Variants in GPC1 observed in about 807,000 individuals in gnomAD.
The protein encoded by GPC1 is glypican 1, also known as glypican-1.
Under a neutral mutation model 51.5 loss-of-function variants are expected in GPC1, and 26 were observed. The ratio of observed to expected loss-of-function variants is 0.50; its 90% CI spans 0.37 to 0.70. The LOEUF (loss-of-function observed/expected upper bound fraction) is 0.70, where lower values mean the gene tolerates loss of function less well. Among genes scored for constraint, GPC1 ranks in the 30% least tolerant of loss-of-function variants. GPC1 has a pLI of 0.00. For synonymous variants in GPC1, 380 were observed against 348.3 expected, an observed-to-expected ratio of 1.09 and a Z score of -1.01; for missense variants, 775 against 800.5, an observed-to-expected ratio of 0.97 and a Z score of 0.38.
At chr2:240,444,972 C>T (rs554667340) in intron 1 of GPC1, among the ~76,000 whole-genome samples, 1 of 152,290 alleles carries the variant, frequency 6.6e-6, no homozygotes, top group South Asian at 2.1e-4. Flanking sequence ...CACCTGCCAC[C>T]AGGGTTGGCT....
intron 1 of GPC1, chr2:240,455,983 C>T (rs939125280): frequency 2.3e-6 from 1 of 425,998 alleles, no homozygotes; most frequent in Admixed American, 2.7e-5. Context: ...TTGCGTCCAG[C>T]CTGCCGGGGG....
At chr2:240,436,493 C>T (rs1028101735) in intron 1 of GPC1, among the ~76,000 whole-genome samples, 60 of 152,242 alleles carry the variant, frequency 3.9e-4, no homozygotes, top group African/African-American at 9.6e-4. Flanking sequence ...GCTGTCGGGG[C>T]GCTGTGGGGC....
chr2:240,463,251 C>T (rs948356927), intron 3 of GPC1, 96 bp from the exon 4 acceptor site: 2 of 1,092,010 alleles, frequency 1.8e-6, no homozygotes, highest in Admixed American at 2.1e-5. Flanking sequence ...CCTGACTTCC[C>T]TCCAGAGCCC....
chr2:240,455,992 G>A, intron 1 of GPC1: 1 of 429,748 alleles, frequency 2.3e-6, no homozygotes, highest in Admixed American at 2.6e-5. Context: ...GCCTGCCGGG[G>A]GCTCCCAGGC....
chr2:240,462,833 G>T (rs890003826), intron 3 of GPC1, among the ~76,000 whole-genome samples: 2 of 152,150 alleles, frequency 1.3e-5, no homozygotes, highest in Non-Finnish European at 2.9e-5. Context: ...AACCATCATG[G>T]GCCAGGATGG....
Position 240,464,711 on chromosome 2 carries a change from G to C in GPC1, c.979G>C (p.Ala327Pro). Reference sequence around the variant, plus strand: ...CACGTGGCTGGCGGAGGCCATCAACGCCCTCCAGGACAACAGGGACACGCT... The same window carrying C: ...CACGTGGCTGGCGGAGGCCATCAACCCCCTCCAGGACAACAGGGACACGCT... The part of the protein sequence containing the change: ...VHTWLAEAIN[A>P]LQDNRDTLTA... The change falls in exon 5 of 9, where the codon GCC becomes CCC. Residue 327 changes from alanine to proline, a missense_variant. By Grantham distance (27) the Ala-to-Pro change is conservative. Coordinates refer to ENST00000264039, the MANE Select transcript of GPC1 (RefSeq NM_002081.3). The C allele has an allele frequency of 6.2e-7, 1 of 1,611,690 alleles. No homozygotes were observed. The highest frequency in any genetic ancestry group is 8.5e-7 in the Non-Finnish European group (1 of 1,179,336).
At chr2:240,458,139 A>T (rs1463252373) in intron 1 of GPC1, 3 of 454,330 alleles carry the variant, frequency 6.6e-6, no homozygotes, top group Non-Finnish European at 1.4e-5. Context: ...TTTTCTGGTT[A>T]ATAAAATGAG....
At position 240,436,082 on chromosome 2, in the gene GPC1, C is replaced by T; in HGVS notation, c.164C>T (p.Ser55Leu). Reference protein sequence around the residue: ...SLSDVPQAEISGEHLRICPQG... With the variant: ...SLSDVPQAEILGEHLRICPQG... The stretch of plus-strand genomic sequence containing the variant: ...AGCGACGTGCCCCAGGCGGAGATCT[C>T]GGGTGAGTGAGGGCGCGGCGCCGGG... The change falls in exon 1 of 9, where the codon TCG (serine) becomes TTG (leucine). Residue 55 changes from serine (S) to leucine (L), a missense_variant and splice_region_variant. By Grantham distance (145) the Ser-to-Leu change is moderately radical. Transcript: ENST00000264039. 1 of 1,295,952 alleles carries T rather than the reference C, an allele frequency of 7.7e-7. No individual in the cohort carries two copies. The allele number at this position is 1,295,952 out of a possible 1,614,324, so 80.3% of individuals were successfully genotyped here. A position where few individuals can be genotyped will look rare whatever the true frequency, so the allele number is the denominator to read the frequency against.
intron 1 of GPC1, among the ~76,000 whole-genome samples, chr2:240,442,872 G>A (rs1254664447): frequency 1.3e-5 from 2 of 152,230 alleles, no homozygotes; most frequent in Non-Finnish European, 2.9e-5. Context: ...AGATGTGCCC[G>A]AGACCCTGGT....
In GPC1 at chr2:240,462,263, T is replaced by C. The variant is rs765125763; in HGVS notation, c.398T>C (p.Leu133Pro). The change falls in exon 3 of 9, where the codon CTG becomes CCG. Residue 133 changes from leucine to proline, a missense_variant. Leu to Pro is a moderately conservative substitution (Grantham distance 98). Transcript: ENST00000264039. ...QATFPGAFGELYTQNARAFRD... is the reference protein window; with the variant it reads ...QATFPGAFGEPYTQNARAFRD... Reference sequence around the variant, plus strand: ...ACCTTCCCCGGCGCCTTCGGAGAGCTGTACACGCAGAACGCGAGGGCCTTC... The same window carrying C: ...ACCTTCCCCGGCGCCTTCGGAGAGCCGTACACGCAGAACGCGAGGGCCTTC... 6.2e-7 allele frequency: 1 copy of C among 1,610,944 alleles called. No individual in the cohort carries two copies. Among genetic ancestry groups the C allele is most frequent in the South Asian group, 1.1e-5 (1 of 90,724 alleles).
chr2:240,439,317 G>C (rs1239807793), intron 1 of GPC1, among the ~76,000 whole-genome samples: 1 of 152,132 alleles, frequency 6.6e-6, no homozygotes, highest in Non-Finnish European at 1.5e-5. Context: ...GGGTAGAGGA[G>C]GGTCTCCTTG....
intron 4 of GPC1, chr2:240,464,057 G>T (rs147821087): frequency 5.1e-4 from 103 of 203,186 alleles, no homozygotes; most frequent in East Asian, 1.9e-3. Flanking sequence ...CATGAGGGGG[G>T]ACAGCATGCA....
intron 1 of GPC1, chr2:240,450,434 C>A (rs1172883092): frequency 2.7e-6 from 1 of 370,754 alleles, no homozygotes; most frequent in Admixed American, 3.3e-5. Flanking sequence ...CGTGCTGCTA[C>A]TCCTAGCCTG....
Position 240,445,606 on chromosome 2 carries a change from T to C in GPC1, c.166+9522T>C, listed in dbSNP as rs184555734. 1.6e-3 allele frequency among the ~76,000 whole-genome samples: 248 copies of C among 152,302 alleles called. 3 individuals are homozygous for C. Among genetic ancestry groups the C allele is most frequent in the African/African-American group, 5.8e-3 (243 of 41,572 alleles). On this transcript the variant is annotated intron_variant, in intron 1 of 8. Coordinates refer to ENST00000264039, the MANE Select transcript of GPC1 (RefSeq NM_002081.3). Reference sequence around the variant, plus strand: ...CAGCATGCAGGAGGGTTGTTCTAGATGCATCCATCCTTCTGTGGGTGCACG... The same window carrying C: ...CAGCATGCAGGAGGGTTGTTCTAGACGCATCCATCCTTCTGTGGGTGCACG...
At chr2:240,444,071 G>A (rs901775458) in intron 1 of GPC1, among the ~76,000 whole-genome samples, 13 of 152,306 alleles carry the variant, frequency 8.5e-5, no homozygotes, top group South Asian at 6.2e-4. Context: ...CACCGGGAGC[G>A]CACAGGAGGG....
At position 240,467,546 on chromosome 2, in the gene GPC1, G is replaced by C. The variant is rs1363643707; in HGVS notation, c.*1256G>C. 1 of 152,376 alleles carries C rather than the reference G, an allele frequency of 6.6e-6. No homozygotes were observed. The highest frequency in any genetic ancestry group is 2.4e-5 in the African/African-American group (1 of 41,450). The allele number at this position is 152,376 out of a possible 1,614,324, so 9.4% of individuals were successfully genotyped here. On this transcript the variant is annotated 3_prime_UTR_variant, in exon 9 of 9. Coordinates refer to ENST00000264039, the MANE Select transcript of GPC1 (RefSeq NM_002081.3). ...CTTCCCTCCTGTGCCCCAGCTGCCA[G>C]GCGGCCCTGGGGAGGGGTGGTGTGG...
chr2:240,454,809 T>A (rs1028064350), intron 1 of GPC1: 7 of 159,630 alleles, frequency 4.4e-5, no homozygotes, highest in Non-Finnish European at 4.2e-5. Flanking sequence ...ATCATCTCTC[T>A]GCATTCTCCT....
At position 240,463,460 on chromosome 2, in the gene GPC1, G is replaced by C; in HGVS notation, c.831G>C (p.Lys277Asn). 6.2e-7 allele frequency: 1 copy of C among 1,613,052 alleles called. No homozygotes were observed. The highest frequency in any genetic ancestry group is 2.2e-5 in the East Asian group (1 of 44,884). The change falls in exon 4 of 9, where the codon AAG (lysine) becomes AAC (asparagine). Residue 277 changes from lysine to asparagine, a missense_variant. Coordinates refer to ENST00000264039, the MANE Select transcript of GPC1 (RefSeq NM_002081.3). Reference sequence around the variant, plus strand: ...CTGACTATTGCCGAAATGTGCTCAAGGGCTGCCTTGCCAACCAGGCCGACC... The same window carrying C: ...CTGACTATTGCCGAAATGTGCTCAACGGCTGCCTTGCCAACCAGGCCGACC... Reference protein sequence around the residue: ...PCPDYCRNVLKGCLANQADLD... With the variant: ...PCPDYCRNVLNGCLANQADLD...
intron 1 of GPC1, chr2:240,449,951 C>T (rs754123497): frequency 2.1e-6 from 1 of 467,632 alleles, no homozygotes; most frequent in African/African-American, 2.0e-5. Flanking sequence ...ACAATCTATT[C>T]GACTGTGGAG....
Sources: allele counts gnomAD v4.1 joint callset (sites outside exome capture counted in the v4.1 genomes callset), GRCh38; gene constraint gnomAD v4.1.1; transcripts MANE v1.5; gene names NCBI Gene and HGNC (gene_info 2026-07-23, HGNC 2026-07-21).